TRIOBP: variants seen among roughly 807,000 people sequenced by gnomAD.
TRIOBP encodes the protein TRIO and F-actin binding protein, also known as TRIO and F-actin-binding protein.
Under a neutral mutation model 238.8 loss-of-function variants are expected in TRIOBP, and 169 were observed. That is an observed-to-expected ratio of 0.71 (90% CI 0.62 to 0.80). The LOEUF is 0.80. Among genes scored for constraint, TRIOBP ranks in the 30% least tolerant of loss-of-function variants. The probability of loss-of-function intolerance (pLI) is 0.00; values close to 1 mark genes in which losing one functional copy is unlikely to be tolerated. For synonymous variants in TRIOBP, 1,150 were observed against 1,274.4 expected (o/e 0.90, Z 2.08); for missense variants, 2,838 against 3,122.6 (o/e 0.91, Z 2.17).
In TRIOBP at chr22:37,725,112, C is replaced by T. The variant is rs1163420580; in HGVS notation, c.2556C>T (p.Asp852=). 8.1e-6 allele frequency: 13 copies of T among 1,614,162 alleles called. No homozygotes were observed. The highest frequency in any genetic ancestry group is 9.3e-6 in the Non-Finnish European group (11 of 1,180,016). Residue 852 remains aspartate (D), a synonymous_variant, in exon 7 of 24, where the codon GAC becomes GAT. Coordinates refer to ENST00000644935, the MANE Select transcript of TRIOBP (RefSeq NM_001039141.3). ...DNLRPTCTQR[D]RTQSFSFQRD... Reference sequence around the variant, plus strand: ...TCAGACCCACTTGTACACAGCGGGACCGCACACAGTCCTTTTCCTTTCAAC... The same window carrying T: ...TCAGACCCACTTGTACACAGCGGGATCGCACACAGTCCTTTTCCTTTCAAC...
Position 37,760,683 on chromosome 22 carries a change from G to A in TRIOBP, c.6324+1419G>A, listed in dbSNP as rs28655584. ...AGTTATCACACCATTATCTAAAGTAGAAAAGAAGGGGCCAGGCGCAGTGGC... is the reference window on the plus strand; with the variant it reads ...AGTTATCACACCATTATCTAAAGTAAAAAAGAAGGGGCCAGGCGCAGTGGC... On this transcript the variant is annotated intron_variant, in intron 17 of 23. Transcript: ENST00000644935. 4.4e-3 allele frequency among the ~76,000 whole-genome samples: 663 copies of A among 152,258 alleles called. 4 individuals carry two copies. Among genetic ancestry groups the A allele is most frequent in the African/African-American group, 0.015 (628 of 41,532 alleles).
chr22:37,749,087 A>AT (rs1335001354), intron 11 of TRIOBP, among the ~76,000 whole-genome samples: 1 of 152,072 alleles, frequency 6.6e-6, no homozygotes, highest in African/African-American at 2.4e-5. Context: ...GTAGTGGCTT[A>AT]TGTGTGCCTG....
chr22:37,727,986 G>A (rs1467716431), intron 7 of TRIOBP, among the ~76,000 whole-genome samples: 1 of 152,152 alleles, frequency 6.6e-6, no homozygotes, highest in Non-Finnish European at 1.5e-5. Flanking sequence ...ATAATTCAAC[G>A]AATTTTTAGT....
rs535114662 is a variant in TRIOBP, at chr22:37,738,478, CAT to C, written c.5107-163_5107-162del. Among the ~76,000 whole-genome samples the C allele has an allele frequency of 2.0e-5, 3 of 152,146 alleles. No homozygotes were observed. The East Asian group carries it at 5.8e-4, about 29-fold the overall frequency. On this transcript the variant is annotated intron_variant, in intron 9 of 23. Coordinates refer to ENST00000644935, the MANE Select transcript of TRIOBP (RefSeq NM_001039141.3). ...ATGATGGGTACATGAGAGGGTGAGT[CAT>C]GTGATAGACACTGGATGGTTGGATG...
chr22:37,738,608 T>G, intron 9 of TRIOBP, 34 bp from the exon 10 acceptor site: 1 of 1,606,302 alleles, frequency 6.2e-7, no homozygotes, highest in East Asian at 2.2e-5. Flanking sequence ...GGAGAATAAG[T>G]TGGGCTAAGC....
Position 37,769,378 on chromosome 22 carries a change from G to A in TRIOBP, c.6849+3G>A, listed in dbSNP as rs1926658364. Reference sequence around the variant, plus strand: ...AGCGGAGTTCCTGCGAGCTAGAGGTGAGTGTCCTCACTAGCACCAGGCAGC... The same window carrying A: ...AGCGGAGTTCCTGCGAGCTAGAGGTAAGTGTCCTCACTAGCACCAGGCAGC... On this transcript the variant is annotated splice_donor_region_variant and intron_variant, in intron 21 of 23. Coordinates refer to ENST00000644935, the MANE Select transcript of TRIOBP (RefSeq NM_001039141.3). The A allele has an allele frequency of 6.3e-7, 1 of 1,597,946 alleles. No homozygotes were observed. The highest frequency in any genetic ancestry group is 1.3e-5 in the African/African-American group (1 of 74,696).
At position 37,703,548 on chromosome 22, in the gene TRIOBP, A is replaced by G. The variant is rs1057080530; in HGVS notation, c.114+2069A>G. 1.1e-3 allele frequency among the ~76,000 whole-genome samples: 150 copies of G among 131,040 alleles called. 1 individual carries two copies. Among genetic ancestry groups the G allele is most frequent in the African/African-American group, 4.3e-3 (148 of 34,052 alleles). The allele number at this position is 131,040 out of a possible 152,430, so 86.0% of individuals were successfully genotyped here. On this transcript the variant is annotated intron_variant, in intron 3 of 23. Transcript: ENST00000644935. The stretch of plus-strand genomic sequence containing the variant: ...GAGACAGAGTCTCGTTCTGTTGCCC[A>G]GGCTGGAGTACAGTGGTGCGATCTG...
At chr22:37,765,640 G>A (rs1193614195) in intron 17 of TRIOBP, 30 bp from the exon 18 acceptor site, 2 of 1,548,586 alleles carry the variant, frequency 1.3e-6, no homozygotes, top group Non-Finnish European at 8.7e-7. Context: ...GAACGGGGCA[G>A]CCTGTGACAC....
intron 17 of TRIOBP, chr22:37,760,047 A>AAC (rs1223625265): frequency 5.0e-5 from 1 of 20,124 alleles, no homozygotes; most frequent in Non-Finnish European, 8.1e-5. Flanking sequence ...GGGTTGTTCT[A>AAC]ACGTGTGCTG....
chr22:37,713,365 G>T lies in TRIOBP; in HGVS notation c.410G>T (p.Ser137Ile). Residue 137 changes from serine to isoleucine, a missense_variant, in exon 5 of 24, where the codon AGC becomes ATC. Ser to Ile is a moderately radical substitution (Grantham distance 142, BLOSUM62 -2). Coordinates refer to ENST00000644935, the MANE Select transcript of TRIOBP (RefSeq NM_001039141.3). ...NEDPGSDPTS[S>I]PDSATPDDTS... ...GACCCCGGCTCTGACCCCACCTCCA[G>T]CCCTGACTCCGCCACCCCTGATGAT... The T allele has an allele frequency of 6.2e-7, 1 of 1,613,892 alleles. No individual in the cohort carries two copies.
Position 37,738,724 on chromosome 22 carries a change from C to G in TRIOBP, c.5184+5C>G, listed in dbSNP as rs755830889. On this transcript the variant is annotated splice_donor_5th_base_variant and intron_variant, in intron 10 of 23. Coordinates refer to ENST00000644935, the MANE Select transcript of TRIOBP (RefSeq NM_001039141.3). The stretch of plus-strand genomic sequence containing the variant: ...GACCAGAAGCAGGCAGACTCGGTAG[C>G]TGGGTCATGGGTGTGGGTACATACG... 2.0e-5 allele frequency: 32 copies of G among 1,613,580 alleles called. No homozygotes were observed. The highest frequency in any genetic ancestry group is 1.7e-5 in the Non-Finnish European group (20 of 1,179,850).
Position 37,710,552 on chromosome 22 carries a change from G to A in TRIOBP, c.240G>A (p.Arg80=). Residue 80 remains arginine, a synonymous_variant, in exon 4 of 24, where the codon AGG becomes AGA. Transcript: ENST00000644935. ...AGTCTGTGGTGGACCCAGGCCTCAG[G>A]CCAGGGCCCAAGAGGTGGGTAGAGT... ...GCQSVVDPGL[R]PGPKRGPSPS... 2 of 1,611,108 alleles carry A rather than the reference G, an allele frequency of 1.2e-6. No individual in the cohort carries two copies. Among genetic ancestry groups the A allele is most frequent in the Non-Finnish European group, 1.7e-6 (2 of 1,179,820 alleles).
intron 11 of TRIOBP, among the ~76,000 whole-genome samples, chr22:37,741,990 C>T (rs1924955121): frequency 6.6e-6 from 1 of 152,214 alleles, no homozygotes; most frequent in Non-Finnish European, 1.5e-5. Context: ...CGGAGTCTCG[C>T]TCTATCGCCC....
intron 11 of TRIOBP, among the ~76,000 whole-genome samples, chr22:37,741,430 A>G (rs1370905362): frequency 6.6e-6 from 1 of 152,176 alleles, no homozygotes; most frequent in Admixed American, 6.5e-5. Context: ...AGTTTCACAA[A>G]CATCTGGCGT....
In TRIOBP at chr22:37,769,341, G is replaced by A. The variant is rs1309267672; in HGVS notation, c.6815G>A (p.Gly2272Glu). Residue 2272 changes from glycine to glutamate, a missense_variant, in exon 21 of 24, where the codon GGG (glycine) becomes GAG (glutamate). Around this residue, in one of 5 missense-constraint regions of TRIOBP, gnomAD observed 2,096 missense variants for 2,137.4 expected, o/e 0.98. Coordinates refer to ENST00000644935, the MANE Select transcript of TRIOBP (RefSeq NM_001039141.3). ...IASQGMGNGC[G>E]RSNERSSCEL... ...TCGCAGGGCATGGGCAATGGCTGCG[G>A]GCGCAGCAACGAGCGGAGTTCCTGC... 6.2e-7 allele frequency: 1 copy of A among 1,610,570 alleles called. No homozygotes were observed. The highest frequency in any genetic ancestry group is 8.5e-7 in the Non-Finnish European group (1 of 1,179,150).
intron 8 of TRIOBP, 72 bp from the exon 9 acceptor site, chr22:37,734,327 C>T: frequency 7.2e-7 from 1 of 1,389,322 alleles, no homozygotes; most frequent in East Asian, 2.3e-5. Context: ...TCTCTGGGGG[C>T]CTAAGAAAGG....
intron 7 of TRIOBP, 55 bp downstream of exon 7, chr22:37,726,558 G>T: frequency 7.1e-7 from 1 of 1,417,972 alleles, no homozygotes; most frequent in South Asian, 1.5e-5. Context: ...TCGGCAGCAG[G>T]ACAGGTGAAG....
intron 3 of TRIOBP, among the ~76,000 whole-genome samples, chr22:37,710,182 AC>A (rs1190460289): frequency 2.6e-5 from 4 of 152,224 alleles, no homozygotes; most frequent in Admixed American, 2.6e-4. Context: ...GCCTTTATCC[AC>A]ACACATACCT....
At position 37,735,387 on chromosome 22, in the gene TRIOBP, C is replaced by T. The variant is rs375129555; in HGVS notation, c.5051C>T (p.Thr1684Met). 41 of 1,606,168 alleles carry T rather than the reference C, an allele frequency of 2.6e-5. No homozygotes were observed. The Middle Eastern group carries it at 6.6e-4, about 26-fold the overall frequency. Reference protein sequence around the residue: ...ATATLAGLEQTGPLGSRSTAK... With the variant: ...ATATLAGLEQMGPLGSRSTAK... ...GCAACTCTGGCAGGCCTGGAGCAGA[C>T]GGGCCCCCTGGGGAGCAGGAGCACT... The change falls in exon 9 of 24, where the codon ACG becomes ATG. Residue 1684 changes from threonine to methionine, a missense_variant. Thr to Met is a moderately conservative substitution (Grantham distance 81, BLOSUM62 -1). Around this residue, in one of 5 missense-constraint regions of TRIOBP, gnomAD observed 2,096 missense variants for 2,137.4 expected, o/e 0.98. Coordinates refer to ENST00000644935, the MANE Select transcript of TRIOBP (RefSeq NM_001039141.3).
Sources: allele counts gnomAD v4.1 joint callset (sites outside exome capture counted in the v4.1 genomes callset), GRCh38; gene constraint gnomAD v4.1.1; regional missense constraint gnomAD v4.1.1; transcripts MANE v1.5; gene names NCBI Gene and HGNC (gene_info 2026-07-23, HGNC 2026-07-21).